The following CNTNAP3 variants were observed in gnomAD, a reference collection of about 807,000 sequenced individuals.
The protein encoded by CNTNAP3 is contactin-associated protein-like 3.
CNTNAP3 carries 36 observed loss-of-function variants against 92.1 expected under a neutral mutation model. That is an observed-to-expected ratio of 0.39 (90% CI 0.30 to 0.52). The LOEUF (loss-of-function observed/expected upper bound fraction) is 0.52. Ranked by LOEUF, CNTNAP3 falls within the 20% of genes least tolerant of loss-of-function variation. The pLI is 0.76. For missense variants in CNTNAP3, 534 were observed against 1,069.6 expected (o/e 0.50, Z 6.98); for synonymous variants, 232 against 422.3 (o/e 0.55, Z 5.53).
intron 13 of CNTNAP3, among the ~76,000 whole-genome samples, chr9:39,128,631 G>A (rs1821204438): frequency 6.6e-6 from 1 of 152,060 alleles, no homozygotes; most frequent in Non-Finnish European, 1.5e-5. Context: ...AGGCAAGGAT[G>A]TCTGCCCTCA....
In CNTNAP3 at chr9:39,067,917, C is replaced by T. The variant is rs1825545103; in HGVS notation, c.*5973G>A. ...TAATTATGGGGATTTCTGGTATAGC[C>T]CATGGCAACCACCTCTATTCATGGT... On this transcript the variant is annotated 3_prime_UTR_variant, in exon 24 of 24. Coordinates refer to ENST00000297668, the MANE Select transcript of CNTNAP3 (RefSeq NM_033655.5). 1.3e-5 allele frequency among the ~76,000 whole-genome samples: 2 copies of T among 152,422 alleles called. No homozygotes were observed. The highest frequency in any genetic ancestry group is 4.1e-4 in the South Asian group (2 of 4,830).
At position 39,066,459 on chromosome 9, in the gene CNTNAP3, C is replaced by T. The variant is rs1825511549; in HGVS notation, c.*7431G>A. ...TGCTCTTCATTTCTTTGTGTGGATCCATGTTTCTATCTGCACAAAGATATT... is the reference window on the plus strand; with the variant it reads ...TGCTCTTCATTTCTTTGTGTGGATCTATGTTTCTATCTGCACAAAGATATT... On this transcript the variant is annotated 3_prime_UTR_variant, in exon 24 of 24. Transcript: ENST00000297668. Among the ~76,000 whole-genome samples, 1 of 152,092 alleles carries T rather than the reference C, an allele frequency of 6.6e-6. No individual in the cohort carries two copies. Among genetic ancestry groups the T allele is most frequent in the Non-Finnish European group, 1.5e-5 (1 of 67,984 alleles).
chr9:39,121,155 GA>G (rs1457111662), intron 13 of CNTNAP3, among the ~76,000 whole-genome samples: 4 of 151,192 alleles, frequency 2.6e-5, no homozygotes, highest in African/African-American at 9.8e-5. Flanking sequence ...AACACAACGA[GA>G]AATTTATAAG....
intron 21 of CNTNAP3, among the ~76,000 whole-genome samples, chr9:39,084,050 T>A (rs1265074236): frequency 6.6e-6 from 1 of 151,978 alleles, no homozygotes; most frequent in South Asian, 2.1e-4. Flanking sequence ...TTAGGCTGGA[T>A]ATGAGCATTA....
intron 14 of CNTNAP3, among the ~76,000 whole-genome samples, chr9:39,114,767 A>G (rs1201965115): frequency 6.6e-6 from 1 of 152,014 alleles, no homozygotes; most frequent in Non-Finnish European, 1.5e-5. Context: ...GGTTACTTTT[A>G]AAGACTCTAA....
intron 13 of CNTNAP3, among the ~76,000 whole-genome samples, chr9:39,129,465 T>G (rs1334339473): frequency 6.6e-6 from 1 of 152,146 alleles, no homozygotes. Context: ...TCACATCTTA[T>G]ATAAAATGTG....
At chr9:39,137,976 C>T (rs1039768164) in intron 12 of CNTNAP3, among the ~76,000 whole-genome samples, 1 of 151,816 alleles carries the variant, frequency 6.6e-6, no homozygotes, top group Admixed American at 6.6e-5. Context: ...CCTCCCACCT[C>T]AGCCTCCCAA....
chr9:39,072,284 C>T lies in CNTNAP3; in HGVS notation c.*1606G>A, dbSNP rs1453791290. ...GAAATTCATTTACGTAACAGTAACG[C>T]TGAATCAATATATTTTCAGCTTGCC... On this transcript the variant is annotated 3_prime_UTR_variant, in exon 24 of 24. Transcript: ENST00000297668. Among the ~76,000 whole-genome samples the T allele has an allele frequency of 1.6e-4, 22 of 135,980 alleles. No homozygotes were observed. The highest frequency in any genetic ancestry group is 2.3e-4 in the Non-Finnish European group (15 of 64,460). 89.2% of individuals were successfully genotyped at this position (135,980 alleles called of 152,430 possible). A position where few individuals can be genotyped will look rare whatever the true frequency, so the allele number is the denominator to read the frequency against.
intron 19 of CNTNAP3, among the ~76,000 whole-genome samples, chr9:39,087,547 C>A (rs561762031): frequency 6.6e-6 from 1 of 151,810 alleles, no homozygotes; most frequent in African/African-American, 2.4e-5. Flanking sequence ...AGTGCAGTGG[C>A]GCGATCTGGG....
intron 12 of CNTNAP3, among the ~76,000 whole-genome samples, chr9:39,136,685 T>TA (rs1439990786): frequency 6.6e-6 from 1 of 152,086 alleles, no homozygotes; most frequent in Non-Finnish European, 1.5e-5. Flanking sequence ...TGGATCACCT[T>TA]AGTTCGGGAG....
At chr9:39,116,824 T>A (rs1403879225) in intron 14 of CNTNAP3, among the ~76,000 whole-genome samples, 1 of 152,106 alleles carries the variant, frequency 6.6e-6, no homozygotes, top group East Asian at 1.9e-4. Context: ...CAATATTTTT[T>A]AAAGTGATGC....
Position 39,068,327 on chromosome 9 carries a change from A to C in CNTNAP3, c.*5563T>G, listed in dbSNP as rs1272031830. Among the ~76,000 whole-genome samples, 4 of 152,278 alleles carry C rather than the reference A, an allele frequency of 2.6e-5. No individual in the cohort carries two copies. Among genetic ancestry groups the C allele is most frequent in the Non-Finnish European group, 5.9e-5 (4 of 68,038 alleles). On this transcript the variant is annotated 3_prime_UTR_variant, in exon 24 of 24. Transcript: ENST00000297668. ...GCTACTCGGGAGGCTGAGGCAGGAGAATGGCATGAACCCTGGAGGCGGAGC... is the reference window on the plus strand; with the variant it reads ...GCTACTCGGGAGGCTGAGGCAGGAGCATGGCATGAACCCTGGAGGCGGAGC...
chr9:39,068,012 G>C lies in CNTNAP3; in HGVS notation c.*5878C>G. ...AACGACAGAAATTAGTTTTTTTGGG[G>C]GGGATGGGAGAAGTGAAGAGAAGAA... On this transcript the variant is annotated 3_prime_UTR_variant, in exon 24 of 24. Transcript: ENST00000297668. 6.6e-6 allele frequency among the ~76,000 whole-genome samples: 1 copy of C among 152,312 alleles called. No individual in the cohort carries two copies. Among genetic ancestry groups the C allele is most frequent in the African/African-American group, 2.4e-5 (1 of 41,488 alleles).
At position 39,069,555 on chromosome 9, in the gene CNTNAP3, A is replaced by G. The variant is rs1161900828; in HGVS notation, c.*4335T>C. On this transcript the variant is annotated 3_prime_UTR_variant, in exon 24 of 24. Coordinates refer to ENST00000297668, the MANE Select transcript of CNTNAP3 (RefSeq NM_033655.5). The stretch of plus-strand genomic sequence containing the variant: ...TAATGGCACAATAAAATGCAAAAAT[A>G]TAATTTTAGGTCATAACCTATAGGC... 2.7e-4 allele frequency among the ~76,000 whole-genome samples: 41 copies of G among 149,118 alleles called. No individual in the cohort carries two copies. The highest frequency in any genetic ancestry group is 9.7e-4 in the African/African-American group (39 of 40,126).
chr9:39,103,555 A>G (rs1826519686), intron 16 of CNTNAP3, 189 bp downstream of exon 16: 1 of 621,714 alleles, frequency 1.6e-6, no homozygotes, highest in South Asian at 2.2e-5. Flanking sequence ...GCACTCCAGC[A>G]TGAGTGACAC....
At chr9:39,142,929 G>A (rs1002631699) in intron 11 of CNTNAP3, among the ~76,000 whole-genome samples, 16 of 151,874 alleles carry the variant, frequency 1.1e-4, no homozygotes, top group African/African-American at 3.4e-4. Flanking sequence ...GTTCTTAAAA[G>A]TTTCAATTAG....
intron 23 of CNTNAP3, among the ~76,000 whole-genome samples, chr9:39,077,752 C>T (rs1485853326): frequency 6.6e-6 from 1 of 152,202 alleles, no homozygotes; most frequent in African/African-American, 2.4e-5. Context: ...TTGTCATTAC[C>T]GTGACAAATA....
At chr9:39,143,115 G>A (rs1436588277) in intron 11 of CNTNAP3, among the ~76,000 whole-genome samples, 1 of 151,894 alleles carries the variant, frequency 6.6e-6, no homozygotes, top group African/African-American at 2.4e-5. Context: ...CAGATTCTGT[G>A]ATGTTCTAAT....
chr9:39,142,620 T>G (rs1821603780), intron 11 of CNTNAP3, among the ~76,000 whole-genome samples: 1 of 148,402 alleles, frequency 6.7e-6, no homozygotes, highest in Non-Finnish European at 1.5e-5. Context: ...TGCAGTGAGC[T>G]GAGATCATGC....
Sources: allele counts gnomAD v4.1 joint callset (sites outside exome capture counted in the v4.1 genomes callset), GRCh38; gene constraint gnomAD v4.1.1; transcripts MANE v1.5; gene names NCBI Gene and HGNC (gene_info 2026-07-23, HGNC 2026-07-21).